SLC25A3: variants seen among roughly 807,000 people sequenced by gnomAD.
SLC25A3 encodes the protein solute carrier family 25 member 3, also known as phosphate transport protein.
In SLC25A3, 14 loss-of-function variants were observed where a neutral mutation model predicts 37.1. That is an observed-to-expected ratio of 0.38 (90% CI 0.25 to 0.59). SLC25A3 has a LOEUF of 0.59. Ranked by LOEUF, SLC25A3 falls within the 20% of genes least tolerant of loss-of-function variation. The pLI is 0.67. For missense variants in SLC25A3, 385 were observed against 458.1 expected (o/e 0.84, Z 1.46); for synonymous variants, 161 against 168.7 (o/e 0.95, Z 0.36).
chr12:98,601,340 T>C, intron 7 of SLC25A3, 28 bp from the exon 8 acceptor site: 1 of 1,614,176 alleles, frequency 6.2e-7, no homozygotes, highest in Non-Finnish European at 8.5e-7. Flanking sequence ...GTTGCATTTT[T>C]TTCATTTGCT....
intron 2 of SLC25A3, chr12:98,595,322 C>T: frequency 8.5e-7 from 1 of 1,181,648 alleles, no homozygotes; most frequent in Non-Finnish European, 1.2e-6. Context: ...GTGGCCAAAG[C>T]TATTCAGCTG....
intron 6 of SLC25A3, 63 bp downstream of exon 6, chr12:98,600,190 C>T (rs566101451): frequency 2.3e-5 from 28 of 1,211,578 alleles, no homozygotes; most frequent in African/African-American, 2.2e-4. Context: ...CCATTATTGG[C>T]GTTTTTTGAG....
intron 2 of SLC25A3, chr12:98,595,305 C>T (rs2097592050): frequency 3.9e-6 from 4 of 1,014,120 alleles, no homozygotes; most frequent in African/African-American, 1.6e-5. Context: ...TTTTAAGCCA[C>T]TTAATTGTGG....
At chr12:98,598,428 A>C in intron 4 of SLC25A3, 94 bp from the exon 5 acceptor site, 1 of 1,593,942 alleles carries the variant, frequency 6.3e-7, no homozygotes, top group Non-Finnish European at 8.6e-7. Flanking sequence ...ACTTTATAAA[A>C]TGTCTGAAGC....
rs202141635 is a variant in SLC25A3 at position 98,596,505 on chromosome 12, T to TC, written c.279+665dup. On this transcript the variant is annotated intron_variant, in intron 3 of 7. Transcript: ENST00000552981. ...CTGGCAGAAATAGATAAGCTTTTCC[T>TC]CCCCCCCCATTAGTTAATGTAATGG... 6.4e-3 allele frequency among the ~76,000 whole-genome samples: 970 copies of TC among 151,274 alleles called. 13 individuals are homozygous for TC. The highest frequency in any genetic ancestry group is 0.022 in the African/African-American group (897 of 41,234).
At chr12:98,594,318 G>A in intron 2 of SLC25A3, 183 bp downstream of exon 2, 1 of 708,408 alleles carries the variant, frequency 1.4e-6, no homozygotes, top group Non-Finnish European at 2.6e-6. Context: ...TCAGATCCTT[G>A]GCCTTCCCTC....
At position 98,595,856 on chromosome 12, in the gene SLC25A3, T is replaced by C; in HGVS notation, c.279+8T>C. 1.2e-6 allele frequency: 2 copies of C among 1,611,412 alleles called. No homozygotes were observed. Among genetic ancestry groups the C allele is most frequent in the Non-Finnish European group, 1.7e-6 (2 of 1,177,564 alleles). Reference sequence around the variant, plus strand: ...GTGAAATGCCGTATGCAGGTTTGTATTGAGATGACAACATTGAAAGTATCT... The same window carrying C: ...GTGAAATGCCGTATGCAGGTTTGTACTGAGATGACAACATTGAAAGTATCT... On this transcript the variant is annotated splice_region_variant and intron_variant, in intron 3 of 7. Coordinates refer to ENST00000552981, the MANE Select transcript of SLC25A3 (RefSeq NM_002635.4).
intron 3 of SLC25A3, 110 bp downstream of exon 3, chr12:98,595,958 A>T (rs1424471439): frequency 1.0e-6 from 1 of 968,490 alleles, no homozygotes; most frequent in Admixed American, 1.8e-5. Context: ...TTCAGTAGGA[A>T]ACCACATAGA....
chr12:98,598,800 A>C lies in SLC25A3; in HGVS notation c.641+97A>C, dbSNP rs1322559099. ...TTTTTTGTTTTGTTTTTTTGAGACAAAGTCTCGCTCTGTCACCCAGGCTGG... is the reference window on the plus strand; with the variant it reads ...TTTTTTGTTTTGTTTTTTTGAGACACAGTCTCGCTCTGTCACCCAGGCTGG... On this transcript the variant is annotated intron_variant, in intron 5 of 7. Transcript: ENST00000552981. 4.2e-6 allele frequency: 5 copies of C among 1,185,802 alleles called. No individual in the cohort carries two copies. The African/African-American group carries it at 7.8e-5, about 18-fold the overall frequency. The allele number at this position is 1,185,802 out of a possible 1,614,324, so 73.5% of individuals were successfully genotyped here. A position where few individuals can be genotyped will look rare whatever the true frequency, so the allele number is the denominator to read the frequency against.
Position 98,601,544 on chromosome 12 carries a change from T to C in SLC25A3, c.*16T>C. Reference sequence around the variant, plus strand: ...AACTCAGTAGTTAGATCAAAGCAAATGTGGACTGAATCTGCTTGTTGATCA... The same window carrying C: ...AACTCAGTAGTTAGATCAAAGCAAACGTGGACTGAATCTGCTTGTTGATCA... On this transcript the variant is annotated 3_prime_UTR_variant, in exon 8 of 8. Coordinates refer to ENST00000552981, the MANE Select transcript of SLC25A3 (RefSeq NM_002635.4). 6.6e-7 allele frequency: 1 copy of C among 1,506,376 alleles called. No homozygotes were observed. The highest frequency in any genetic ancestry group is 9.2e-7 in the Non-Finnish European group (1 of 1,081,844). 93.3% of individuals were successfully genotyped at this position (1,506,376 alleles called of 1,614,324 possible).
Position 98,601,446 on chromosome 12 carries a change from T to C in SLC25A3, c.1004T>C (p.Val335Ala). 6.2e-7 allele frequency: 1 copy of C among 1,614,130 alleles called. No individual in the cohort carries two copies. Among genetic ancestry groups the C allele is most frequent in the East Asian group, 2.2e-5 (1 of 44,884 alleles). Residue 335 changes from valine (V) to alanine (A), a missense_variant, in exon 8 of 8, where the codon GTG (valine) becomes GCG (alanine). Val to Ala is a moderately conservative substitution (Grantham distance 64, BLOSUM62 0). Coordinates refer to ENST00000552981, the MANE Select transcript of SLC25A3 (RefSeq NM_002635.4). Reference protein sequence around the residue: ...TALQWFIYDSVKVYFRLPRPP... With the variant: ...TALQWFIYDSAKVYFRLPRPP... ...CTACAGTGGTTTATCTATGACTCCG[T>C]GAAGGTCTACTTCAGACTTCCTCGC...
In SLC25A3 at chr12:98,598,529, C is replaced by T; in HGVS notation, c.467C>T (p.Thr156Ile). The T allele has an allele frequency of 6.2e-7, 1 of 1,612,502 alleles. No individual in the cohort carries two copies. Among genetic ancestry groups the T allele is most frequent in the South Asian group, 1.1e-5 (1 of 91,012 alleles). The change falls in exon 5 of 8, where the codon ACT (threonine) becomes ATT (isoleucine). Residue 156 changes from threonine (T) to isoleucine (I), a missense_variant. This residue lies in a region of SLC25A3 where 276 missense variants were observed against 367.6 expected (regional missense o/e 0.75). Transcript: ENST00000552981. ...TTGTGTTTTGGATTTTAGGAGAATA[C>T]TTATCTCTGGCGCACATCACTATAT... ...LYSNMLGEEN[T>I]YLWRTSLYLA...
rs1302964992 is a variant in SLC25A3 at position 98,604,263 on chromosome 12, A to AAAAAAATATATATAT, written c.*2736_*2737insAAAAATATATATATA. The AAAAAAATATATATAT allele has an allele frequency of 1.5e-5, 2 of 134,592 alleles. No individual in the cohort carries two copies. The highest frequency in any genetic ancestry group is 7.6e-5 in the Admixed American group (1 of 13,130). 8.3% of individuals were successfully genotyped at this position (134,592 alleles called of 1,614,324 possible). ...GCGAAACTCTGTCTCAAAAAAAAAA[A>AAAAAAATATATATAT]ATATATATATATATATATATATATG... is the stretch of plus-strand genomic sequence containing the variant. On this transcript the variant is annotated 3_prime_UTR_variant, in exon 8 of 8. Coordinates refer to ENST00000552981, the MANE Select transcript of SLC25A3 (RefSeq NM_002635.4).
At chr12:98,599,504 T>TC in intron 5 of SLC25A3, 1 of 417,306 alleles carries the variant, frequency 2.4e-6, no homozygotes, top group Admixed American at 3.0e-5. Context: ...TTTTTTTTTT[T>TC]CCCTAGAGTA....
In SLC25A3 at chr12:98,598,509, T is replaced by C; in HGVS notation, c.460-13T>C. 6.2e-7 allele frequency: 1 copy of C among 1,612,120 alleles called. No individual in the cohort carries two copies. Among genetic ancestry groups the C allele is most frequent in the South Asian group, 1.1e-5 (1 of 90,988 alleles). On this transcript the variant is annotated splice_polypyrimidine_tract_variant and intron_variant, in intron 4 of 7. Transcript: ENST00000552981. Reference sequence around the variant, plus strand: ...CAGCAATTCACATCCCTTCCTTGTGTTTTGGATTTTAGGAGAATACTTATC... The same window carrying C: ...CAGCAATTCACATCCCTTCCTTGTGCTTTGGATTTTAGGAGAATACTTATC...
At chr12:98,594,384 G>A (rs1436225341) in intron 2 of SLC25A3, 4 of 700,428 alleles carry the variant, frequency 5.7e-6, no homozygotes, top group Non-Finnish European at 1.0e-5. Flanking sequence ...TGTGCCCGAG[G>A]GAAGAGAGGC....
Position 98,597,873 on chromosome 12 carries a change from CA to C in SLC25A3, c.299del (p.Lys100ArgfsTer100). ...AAATAAAGGTGGACCCCCAAAAGTA[CA>C]AGGGCATATTTAACGGATTCTCAGT... ...CRMQVDPQKY[K>X]GIFNGFSVTL... On this transcript the variant is annotated frameshift_variant, in exon 4 of 8. Coordinates refer to ENST00000552981, the MANE Select transcript of SLC25A3 (RefSeq NM_002635.4). LOFTEE classifies it high-confidence loss of function. The C allele has an allele frequency of 6.2e-7, 1 of 1,613,554 alleles. No homozygotes were observed. The highest frequency in any genetic ancestry group is 8.5e-7 in the Non-Finnish European group (1 of 1,179,736).
At chr12:98,601,087 A>G (rs575097411) in intron 6 of SLC25A3, 84 bp from the exon 7 acceptor site, 2 of 1,474,936 alleles carry the variant, frequency 1.4e-6, no homozygotes, top group South Asian at 2.5e-5. Context: ...GAAAAATATT[A>G]TTTTAAAATC....
rs1592981028 is a variant in SLC25A3 at position 98,601,798 on chromosome 12, A to G, written c.*270A>G. The G allele has an allele frequency of 5.0e-6, 2 of 399,236 alleles. No homozygotes were observed. The highest frequency in any genetic ancestry group is 5.8e-5 in the South Asian group (2 of 34,508). 24.7% of individuals were successfully genotyped at this position (399,236 alleles called of 1,614,324 possible). A position where few individuals can be genotyped will look rare whatever the true frequency, so the allele number is the denominator to read the frequency against. ...ATGAAGTATATAAGTTAAGGAAAAAATACAAAACTGACCATGACCATTGTT... is the reference window on the plus strand; with the variant it reads ...ATGAAGTATATAAGTTAAGGAAAAAGTACAAAACTGACCATGACCATTGTT... On this transcript the variant is annotated 3_prime_UTR_variant, in exon 8 of 8. Coordinates refer to ENST00000552981, the MANE Select transcript of SLC25A3 (RefSeq NM_002635.4).
Sources: allele counts gnomAD v4.1 joint callset (sites outside exome capture counted in the v4.1 genomes callset), GRCh38; gene constraint gnomAD v4.1.1; regional missense constraint gnomAD v4.1.1; transcripts MANE v1.5; gene names NCBI Gene and HGNC (gene_info 2026-07-23, HGNC 2026-07-21).